Variants in PPP1R3A observed in about 807,000 individuals in gnomAD.
The protein encoded by PPP1R3A is protein phosphatase 1 regulatory subunit 3A.
PPP1R3A carries 29 observed loss-of-function variants against 41.7 expected under a neutral mutation model. The ratio of observed to expected loss-of-function variants is 0.70; its 90% CI spans 0.52 to 0.95. The LOEUF (loss-of-function observed/expected upper bound fraction) is 0.95, where lower values mean the gene tolerates loss of function less well. PPP1R3A is among the 40% of genes least tolerant of loss of function. PPP1R3A has a pLI of 0.00. For missense variants in PPP1R3A, 1,352 were observed against 1,292.4 expected (o/e 1.05, Z -0.71); for synonymous variants, 485 against 453.4 (o/e 1.07, Z -0.89).
Position 113,878,991 on chromosome 7 carries a change from C to T in PPP1R3A, c.2101G>A (p.Glu701Lys), listed in dbSNP as rs1163015087. The T allele has an allele frequency of 1.2e-6, 2 of 1,613,432 alleles. No individual in the cohort carries two copies. Among genetic ancestry groups the T allele is most frequent in the African/African-American group, 1.3e-5 (1 of 74,992 alleles). ...NTRSLKATTE[E>K]LFTCQETVCC... ...ACTGTTTCTTGGCAGGTAAACAATT[C>T]TTCTGTAGTAGCTTTCAAACTCCTC... The change falls in exon 4 of 4, where the codon GAA (glutamate) becomes AAA (lysine). Residue 701 changes from glutamate (E) to lysine (K), a missense_variant. Coordinates refer to ENST00000284601, the MANE Select transcript of PPP1R3A (RefSeq NM_002711.4).
chr7:113,895,198 G>T (rs1202915768), intron 1 of PPP1R3A, among the ~76,000 whole-genome samples: 1 of 151,856 alleles, frequency 6.6e-6, no homozygotes, highest in Non-Finnish European at 1.5e-5. Context: ...CCTGGCTCTT[G>T]ACAAAGAATT....
intron 1 of PPP1R3A, among the ~76,000 whole-genome samples, chr7:113,899,615 T>A (rs1435096945): frequency 1.3e-5 from 2 of 151,862 alleles, no homozygotes; most frequent in Non-Finnish European, 2.9e-5. Flanking sequence ...AAATTATAAC[T>A]CAAAACACCA....
At chr7:113,887,209 A>T (rs1422417083) in intron 1 of PPP1R3A, among the ~76,000 whole-genome samples, 1 of 152,124 alleles carries the variant, frequency 6.6e-6, no homozygotes, top group Admixed American at 6.6e-5. Flanking sequence ...TCAATTATGG[A>T]GTCAATAATG....
At chr7:113,899,860 G>T (rs1340878111) in intron 1 of PPP1R3A, among the ~76,000 whole-genome samples, 1 of 151,728 alleles carries the variant, frequency 6.6e-6, no homozygotes, top group Admixed American at 6.6e-5. Flanking sequence ...TGAAGTTATG[G>T]TTAATGTGAA....
At chr7:113,903,425 G>A (rs368833003) in intron 1 of PPP1R3A, among the ~76,000 whole-genome samples, 32 of 151,622 alleles carry the variant, frequency 2.1e-4, no homozygotes, top group Non-Finnish European at 4.0e-4. Flanking sequence ...ACAGCAACAC[G>A]TATAGACAAG....
At chr7:113,887,771 C>G (rs893849369) in intron 1 of PPP1R3A, among the ~76,000 whole-genome samples, 2 of 152,108 alleles carry the variant, frequency 1.3e-5, no homozygotes, top group Non-Finnish European at 2.9e-5. Flanking sequence ...TGGCTCACGC[C>G]TATAATCCCA....
At position 113,918,518 on chromosome 7, in the gene PPP1R3A, C is replaced by T; in HGVS notation, c.479G>A (p.Arg160Lys). Residue 160 changes from arginine to lysine, a missense_variant, in exon 1 of 4, where the codon AGA (arginine) becomes AAA (lysine). Transcript: ENST00000284601. ...NVSFEKLVYV[R>K]MSLDDWQTHY... is the part of the protein sequence containing the mutation. Reference sequence around the variant, plus strand: ...TGTCTGCCAGTCATCTAAAGACATTCTTACATATACTAACTTCTCAAAAGA... The same window carrying T: ...TGTCTGCCAGTCATCTAAAGACATTTTTACATATACTAACTTCTCAAAAGA... 6.2e-7 allele frequency: 1 copy of T among 1,612,812 alleles called. No individual in the cohort carries two copies.
intron 1 of PPP1R3A, among the ~76,000 whole-genome samples, chr7:113,912,074 C>G (rs1374594703): frequency 6.6e-6 from 1 of 152,064 alleles, no homozygotes; most frequent in African/African-American, 2.4e-5. Flanking sequence ...GAATTAAAGC[C>G]TCAAGGTCTT....
At chr7:113,884,794 C>T (rs989602086) in intron 1 of PPP1R3A, among the ~76,000 whole-genome samples, 1 of 151,966 alleles carries the variant, frequency 6.6e-6, no homozygotes, top group Non-Finnish European at 1.5e-5. Context: ...AAAATCAACA[C>T]AAATAAGCAT....
chr7:113,899,831 T>C (rs1193337704), intron 1 of PPP1R3A, among the ~76,000 whole-genome samples: 1 of 151,834 alleles, frequency 6.6e-6, no homozygotes. Flanking sequence ...ACTGCTATTC[T>C]ACATTGGCTT....
chr7:113,901,778 C>T (rs564220240), intron 1 of PPP1R3A, among the ~76,000 whole-genome samples: 5 of 151,582 alleles, frequency 3.3e-5, no homozygotes, highest in African/African-American at 1.2e-4. Context: ...CCCTGAAAAC[C>T]AACATACTCA....
chr7:113,909,861 A>G (rs1246765621), intron 1 of PPP1R3A, among the ~76,000 whole-genome samples: 1 of 152,068 alleles, frequency 6.6e-6, no homozygotes, highest in African/African-American at 2.4e-5. Flanking sequence ...AACTTTTCTG[A>G]TAGAACACAT....
intron 1 of PPP1R3A, among the ~76,000 whole-genome samples, chr7:113,913,016 A>T (rs1024477025): frequency 1.3e-5 from 2 of 152,020 alleles, no homozygotes; most frequent in Non-Finnish European, 2.9e-5. Flanking sequence ...CTCCAAGGAA[A>T]CTTGAAGCCA....
chr7:113,902,297 A>G (rs1023879274), intron 1 of PPP1R3A, among the ~76,000 whole-genome samples: 1 of 151,710 alleles, frequency 6.6e-6, no homozygotes, highest in African/African-American at 2.4e-5. Flanking sequence ...CTGGCCTGTT[A>G]TCTTCTTTAT....
intron 1 of PPP1R3A, among the ~76,000 whole-genome samples, chr7:113,901,822 T>G (rs1189037764): frequency 1.3e-5 from 2 of 151,746 alleles, no homozygotes; most frequent in Non-Finnish European, 2.9e-5. Context: ...GCAAATCTCT[T>G]TAATCCTCTT....
intron 1 of PPP1R3A, among the ~76,000 whole-genome samples, chr7:113,914,926 A>G (rs1797314286): frequency 6.6e-6 from 1 of 152,010 alleles, no homozygotes; most frequent in Admixed American, 6.6e-5. Context: ...ATTTTAGCTT[A>G]TTTGTCTATG....
intron 1 of PPP1R3A, among the ~76,000 whole-genome samples, chr7:113,889,434 A>C (rs1796840977): frequency 6.6e-6 from 1 of 152,208 alleles, no homozygotes; most frequent in Admixed American, 6.5e-5. Context: ...GGGTGAAAGA[A>C]AGAGGATAAG....
At position 113,918,519 on chromosome 7, in the gene PPP1R3A, T is replaced by C; in HGVS notation, c.478A>G (p.Arg160Gly). 1 of 1,612,990 alleles carries C rather than the reference T, an allele frequency of 6.2e-7. No individual in the cohort carries two copies. Among genetic ancestry groups the C allele is most frequent in the Non-Finnish European group, 8.5e-7 (1 of 1,179,480 alleles). ...NVSFEKLVYVRMSLDDWQTHY... is the reference protein window; with the variant it reads ...NVSFEKLVYVGMSLDDWQTHY... ...GTCTGCCAGTCATCTAAAGACATTC[T>C]TACATATACTAACTTCTCAAAAGAA... The change falls in exon 1 of 4, where the codon AGA (arginine) becomes GGA (glycine). Residue 160 changes from arginine (R) to glycine (G), a missense_variant. Coordinates refer to ENST00000284601, the MANE Select transcript of PPP1R3A (RefSeq NM_002711.4).
At chr7:113,894,437 C>A (rs949394488) in intron 1 of PPP1R3A, among the ~76,000 whole-genome samples, 1 of 151,830 alleles carries the variant, frequency 6.6e-6, no homozygotes, top group East Asian at 1.9e-4. Context: ...ATTTTACCTG[C>A]GTTCTTAAAC....
Sources: gnomAD v4.1 joint callset for allele counts (sites outside exome capture counted in the v4.1 genomes callset) on GRCh38, gnomAD v4.1.1 for gene constraint, MANE v1.5 for transcripts, NCBI Gene and HGNC (gene_info 2026-07-23, HGNC 2026-07-21) for gene names.